AGBL4: variants seen among roughly 807,000 people sequenced by gnomAD.
The protein encoded by AGBL4 is cytosolic carboxypeptidase 6.
Under a neutral mutation model 66.4 loss-of-function variants are expected in AGBL4, and 58 were observed. That is an observed-to-expected ratio of 0.87 (90% CI 0.71 to 1.09). The LOEUF (loss-of-function observed/expected upper bound fraction) is 1.09, where lower values mean the gene tolerates loss of function less well. Ranked by LOEUF, AGBL4 falls within the 50% of genes least tolerant of loss-of-function variation. AGBL4 has a pLI of 0.00. For synonymous variants in AGBL4, 234 were observed against 222.9 expected (o/e 1.05, Z -0.44); for missense variants, 579 against 631.0 (o/e 0.92, Z 0.88).
rs532817891 is a variant in AGBL4 at position 49,761,905 on chromosome 1, C to G, written c.158-64468G>C. On this transcript the variant is annotated intron_variant, in intron 2 of 13. Coordinates refer to ENST00000371839, the MANE Select transcript of AGBL4 (RefSeq NM_032785.4). ...GTGCCCATTGTTCTACTCTCTATTT[C>G]TATAATAGTTTTTTAAGGCTAAATA... Among the ~76,000 whole-genome samples, 2 of 152,228 alleles carry G rather than the reference C, an allele frequency of 1.3e-5. 1 individual carries two copies. Among genetic ancestry groups the G allele is most frequent in the East Asian group, 3.9e-4 (2 of 5,182 alleles).
intron 4 of AGBL4, among the ~76,000 whole-genome samples, chr1:49,077,177 G>A (rs1159488558): frequency 6.7e-6 from 1 of 150,052 alleles, no homozygotes; most frequent in Non-Finnish European, 1.5e-5. Context: ...GGTACAACCA[G>A]CACCTATCAC....
chr1:49,452,702 C>T (rs1646304518), intron 3 of AGBL4, among the ~76,000 whole-genome samples: 1 of 151,876 alleles, frequency 6.6e-6, no homozygotes, highest in Non-Finnish European at 1.5e-5. Context: ...TATTTTAGCA[C>T]TTCTCACATA....
chr1:49,325,935 C>T (rs1322788639), intron 3 of AGBL4, among the ~76,000 whole-genome samples: 2 of 152,330 alleles, frequency 1.3e-5, no homozygotes, highest in East Asian at 3.9e-4. Flanking sequence ...TTGCCTTCCA[C>T]CATGAATGAA....
intron 4 of AGBL4, among the ~76,000 whole-genome samples, chr1:49,102,077 G>A (rs1645212841): frequency 6.6e-6 from 1 of 152,090 alleles, no homozygotes; most frequent in Non-Finnish European, 1.5e-5. Context: ...AGCACCAGCA[G>A]TAGGTTTTAG....
At chr1:50,020,634 T>C (rs1662376178) in intron 1 of AGBL4, among the ~76,000 whole-genome samples, 1 of 152,164 alleles carries the variant, frequency 6.6e-6, no homozygotes, top group Admixed American at 6.5e-5. Flanking sequence ...CAAAGCCAAA[T>C]AATGAATCTG....
intron 2 of AGBL4, among the ~76,000 whole-genome samples, chr1:49,731,459 G>A (rs528195094): frequency 6.6e-5 from 10 of 152,214 alleles, no homozygotes; most frequent in East Asian, 3.9e-4. Context: ...CACAGCAGAC[G>A]AATAATAAAT....
At chr1:49,442,428 G>T (rs1646055018) in intron 3 of AGBL4, among the ~76,000 whole-genome samples, 1 of 152,146 alleles carries the variant, frequency 6.6e-6, no homozygotes, top group South Asian at 2.1e-4. Context: ...ACAAATTCTA[G>T]TCTCTGTTAT....
At chr1:49,169,103 T>C (rs1206905946) in intron 4 of AGBL4, among the ~76,000 whole-genome samples, 2 of 152,158 alleles carry the variant, frequency 1.3e-5, no homozygotes, top group African/African-American at 4.8e-5. Flanking sequence ...CCAACCCAAA[T>C]TGAAAAGCCG....
chr1:49,666,966 C>T (rs981972908), intron 3 of AGBL4, among the ~76,000 whole-genome samples: 1 of 152,074 alleles, frequency 6.6e-6, no homozygotes, highest in African/African-American at 2.4e-5. Context: ...GCACTTCATA[C>T]TTGGAATAAG....
At chr1:49,361,542 C>T (rs928473750) in intron 3 of AGBL4, among the ~76,000 whole-genome samples, 3 of 152,040 alleles carry the variant, frequency 2.0e-5, no homozygotes, top group African/African-American at 7.2e-5. Flanking sequence ...TCCAGGGTGG[C>T]CTCAAACTCC....
At chr1:49,317,547 G>T (rs1645061473) in intron 3 of AGBL4, among the ~76,000 whole-genome samples, 1 of 151,854 alleles carries the variant, frequency 6.6e-6, no homozygotes. Context: ...AGGACTAAGA[G>T]GAGGTAGGAA....
At chr1:48,598,282 A>G (rs1470133698) in intron 9 of AGBL4, among the ~76,000 whole-genome samples, 2 of 152,186 alleles carry the variant, frequency 1.3e-5, no homozygotes, top group Non-Finnish European at 2.9e-5. Flanking sequence ...TCCCCTAAGC[A>G]ATCACAGTAC....
chr1:48,830,529 T>A (rs1646526683), intron 6 of AGBL4, among the ~76,000 whole-genome samples: 1 of 152,228 alleles, frequency 6.6e-6, no homozygotes, highest in Non-Finnish European at 1.5e-5. Flanking sequence ...CCCCCGATTT[T>A]GTATCCACAA....
At chr1:48,807,590 T>G (rs1645954261) in intron 6 of AGBL4, among the ~76,000 whole-genome samples, 3 of 152,206 alleles carry the variant, frequency 2.0e-5, no homozygotes, top group Admixed American at 1.3e-4. Flanking sequence ...CCAACTATTC[T>G]CAGCGTGTGA....
At chr1:49,341,211 C>T (rs1645533225) in intron 3 of AGBL4, among the ~76,000 whole-genome samples, 1 of 152,292 alleles carries the variant, frequency 6.6e-6, no homozygotes, top group East Asian at 1.9e-4. Context: ...AAAACCCTCT[C>T]TTGGGGTCTG....
rs557385903 is a variant in AGBL4 at position 49,919,770 on chromosome 1, C to T, written c.35-68252G>A. 7.8e-3 allele frequency among the ~76,000 whole-genome samples: 1,182 copies of T among 151,944 alleles called. 14 individuals are homozygous for T. Among genetic ancestry groups the T allele is most frequent in the Middle Eastern group, 0.027 (8 of 294 alleles). ...GTTCATATGGAACCAAAAAAGAGCCCGCATTGCCAAGACAATCCTAAGCCA... is the reference window on the plus strand; with the variant it reads ...GTTCATATGGAACCAAAAAAGAGCCTGCATTGCCAAGACAATCCTAAGCCA... On this transcript the variant is annotated intron_variant, in intron 1 of 13. Transcript: ENST00000371839.
chr1:48,865,962 T>C (rs544504547), intron 6 of AGBL4, among the ~76,000 whole-genome samples: 9 of 152,344 alleles, frequency 5.9e-5, no homozygotes, highest in Non-Finnish European at 1.5e-5. Flanking sequence ...GTTAATCATA[T>C]ATATGTTAAA....
chr1:49,592,008 C>T (rs993698618), intron 3 of AGBL4, among the ~76,000 whole-genome samples: 1 of 151,958 alleles, frequency 6.6e-6, no homozygotes, highest in African/African-American at 2.4e-5. Flanking sequence ...TAAAAAATAC[C>T]ATTCTGGACA....
intron 3 of AGBL4, among the ~76,000 whole-genome samples, chr1:49,639,785 TATG>T (rs1645745942): frequency 6.6e-6 from 1 of 152,158 alleles, no homozygotes; most frequent in Admixed American, 6.6e-5. Context: ...TGCTTAGTAA[TATG>T]AGCAATTTTG....
Sources: allele counts gnomAD v4.1 joint callset (sites outside exome capture counted in the v4.1 genomes callset), GRCh38; gene constraint gnomAD v4.1.1; transcripts MANE v1.5; gene names NCBI Gene and HGNC (gene_info 2026-07-23, HGNC 2026-07-21).